ADAM7: variants seen among roughly 807,000 people sequenced by gnomAD.
The protein encoded by ADAM7 is ADAM metallopeptidase domain 7.
ADAM7 carries 97 observed loss-of-function variants against 102.9 expected under a neutral mutation model. The observed-to-expected ratio is 0.94, with a 90% CI of 0.80 to 1.12. The LOEUF is 1.12. ADAM7 is among the 50% of genes most tolerant of loss of function. The pLI is 0.00. For missense variants in ADAM7, 991 were observed against 908.7 expected (o/e 1.09, Z -1.16); for synonymous variants, 334 against 304.4 (o/e 1.10, Z -1.01).
chr8:24,497,243 A>G (rs943491245), intron 16 of ADAM7, among the ~76,000 whole-genome samples: 3 of 152,206 alleles, frequency 2.0e-5, no homozygotes, highest in African/African-American at 7.2e-5. Context: ...CTGTAAGTTC[A>G]ATTAAACCTC....
chr8:24,502,797 T>A (rs1025415037), intron 20 of ADAM7, among the ~76,000 whole-genome samples: 9 of 152,256 alleles, frequency 5.9e-5, no homozygotes, highest in African/African-American at 2.2e-4. Flanking sequence ...TAAAAATTCA[T>A]GAATGCATAA....
rs139294878 is a variant in ADAM7, at chr8:24,447,206, G to A, written c.177G>A (p.Leu59=). 8 of 1,552,016 alleles carry A rather than the reference G, an allele frequency of 5.2e-6. No homozygotes were observed. The African/African-American group carries it at 1.1e-4, about 21-fold the overall frequency. The change falls in exon 3 of 22, where the codon TTG becomes TTA. Residue 59 remains leucine, a synonymous_variant. Transcript: ENST00000175238. The part of the protein sequence containing the change: ...DDILKTYEEE[L]LYEIKLNRKT... Reference sequence around the variant, plus strand: ...TTTAGAAAACGTATGAAGAAGAATTGTTGTATGAAATAAAACTAAATAGAA... The same window carrying A: ...TTTAGAAAACGTATGAAGAAGAATTATTGTATGAAATAAAACTAAATAGAA...
chr8:24,451,527 G>A (rs887106439), intron 3 of ADAM7, among the ~76,000 whole-genome samples: 2 of 152,126 alleles, frequency 1.3e-5, no homozygotes, highest in Admixed American at 6.5e-5. Context: ...GCGTCTATTT[G>A]ATTCTTCTCT....
intron 2 of ADAM7, 32 bp from the exon 3 acceptor site, chr8:24,447,154 G>A (rs1406029260): frequency 8.3e-6 from 11 of 1,329,298 alleles, no homozygotes; most frequent in Non-Finnish European, 1.2e-5. Context: ...ATGAGCCCAT[G>A]TTGAAGTCAC....
At chr8:24,487,927 C>T (rs908378402) in intron 11 of ADAM7, among the ~76,000 whole-genome samples, 25 of 152,300 alleles carry the variant, frequency 1.6e-4, no homozygotes, top group African/African-American at 6.0e-4. Flanking sequence ...ATAGACTCTA[C>T]ATGCCTTGTT....
intron 3 of ADAM7, 110 bp downstream of exon 3, chr8:24,447,372 T>A (rs1312006202): frequency 2.1e-6 from 1 of 479,254 alleles, no homozygotes; most frequent in African/African-American, 2.0e-5. Context: ...TTGCACGTAA[T>A]CTGAATTTTT....
intron 7 of ADAM7, among the ~76,000 whole-genome samples, chr8:24,471,315 C>T (rs1341288942): frequency 6.6e-6 from 1 of 151,796 alleles, no homozygotes; most frequent in Non-Finnish European, 1.5e-5. Flanking sequence ...TATAGTGTAG[C>T]CAAGTATAGA....
intron 3 of ADAM7, among the ~76,000 whole-genome samples, chr8:24,452,583 A>T (rs932735080): frequency 1.3e-5 from 2 of 151,004 alleles, no homozygotes. Flanking sequence ...CAGCACACTG[A>T]TGGGTCTTGA....
chr8:24,503,403 T>A (rs1441484050), intron 20 of ADAM7, among the ~76,000 whole-genome samples: 1 of 152,074 alleles, frequency 6.6e-6, no homozygotes, highest in Non-Finnish European at 1.5e-5. Context: ...TGGAGAGAAA[T>A]AGGAACACTT....
intron 4 of ADAM7, among the ~76,000 whole-genome samples, chr8:24,465,298 C>A (rs1819389088): frequency 6.6e-6 from 1 of 152,100 alleles, no homozygotes; most frequent in Non-Finnish European, 1.5e-5. Flanking sequence ...ATGGGCAGAG[C>A]ATCAAGTAGG....
chr8:24,477,484 T>A (rs1243661057), intron 8 of ADAM7, among the ~76,000 whole-genome samples: 1 of 151,968 alleles, frequency 6.6e-6, no homozygotes, highest in African/African-American at 2.4e-5. Flanking sequence ...CTAACACTAC[T>A]TTATTTTGTT....
At chr8:24,466,441 A>G (rs184089442) in intron 5 of ADAM7, among the ~76,000 whole-genome samples, 2 of 152,254 alleles carry the variant, frequency 1.3e-5, no homozygotes, top group East Asian at 3.9e-4. Flanking sequence ...ACTTTCATAT[A>G]TTTACTTTCA....
At chr8:24,480,873 CAA>C (rs1257035743) in intron 8 of ADAM7, among the ~76,000 whole-genome samples, 1 of 151,546 alleles carries the variant, frequency 6.6e-6, no homozygotes, top group African/African-American at 2.4e-5. Context: ...GACATCGTCC[CAA>C]CAACAACAAC....
chr8:24,507,545 C>G lies in ADAM7; in HGVS notation c.2264+10C>G. The G allele has an allele frequency of 2.5e-6, 4 of 1,603,574 alleles. No individual in the cohort carries two copies. Among genetic ancestry groups the G allele is most frequent in the African/African-American group, 1.3e-5 (1 of 74,772 alleles). Reference sequence around the variant, plus strand: ...ATCAAAGTGCCAAGTGGTAGGTTACCCTGACAGATAGTACCTCCCTTTTTT... The same window carrying G: ...ATCAAAGTGCCAAGTGGTAGGTTACGCTGACAGATAGTACCTCCCTTTTTT... On this transcript the variant is annotated intron_variant, in intron 21 of 21. Coordinates refer to ENST00000175238, the MANE Select transcript of ADAM7 (RefSeq NM_003817.4).
intron 8 of ADAM7, among the ~76,000 whole-genome samples, chr8:24,480,505 C>T (rs1819912795): frequency 6.6e-6 from 1 of 152,124 alleles, no homozygotes; most frequent in Admixed American, 6.6e-5. Flanking sequence ...CAACTCTCCA[C>T]AACATTCCAA....
At chr8:24,507,091 T>C (rs1437018457) in intron 20 of ADAM7, among the ~76,000 whole-genome samples, 1 of 152,096 alleles carries the variant, frequency 6.6e-6, no homozygotes, top group East Asian at 1.9e-4. Flanking sequence ...AATTCTTCCT[T>C]GAACCCGGGC....
At chr8:24,493,456 T>A (rs1295160844) in intron 16 of ADAM7, among the ~76,000 whole-genome samples, 2 of 149,440 alleles carry the variant, frequency 1.3e-5, no homozygotes, top group Non-Finnish European at 3.0e-5. Flanking sequence ...TGTGCTTAAT[T>A]AGTAAAACTT....
chr8:24,508,401 G>A (rs1016553530), intron 21 of ADAM7, 145 bp from the exon 22 acceptor site: 7 of 752,610 alleles, frequency 9.3e-6, no homozygotes, highest in Non-Finnish European at 1.5e-5. Flanking sequence ...CAATGGCTAG[G>A]GAGATCTATA....
intron 8 of ADAM7, among the ~76,000 whole-genome samples, chr8:24,477,881 C>T (rs1492397): frequency 0.021 from 3,125 of 152,118 alleles, 118 homozygotes; most frequent in African/African-American, 0.072. Flanking sequence ...CATGTCTAGC[C>T]TACTGATGTA....
Sources: gnomAD v4.1 joint callset for allele counts (sites outside exome capture counted in the v4.1 genomes callset) on GRCh38, gnomAD v4.1.1 for gene constraint, MANE v1.5 for transcripts, NCBI Gene and HGNC (gene_info 2026-07-23, HGNC 2026-07-21) for gene names.